CDON: variants seen among roughly 807,000 people sequenced by gnomAD.
The protein encoded by CDON is cell adhesion molecule-related/down-regulated by oncogenes.
In CDON, 73 loss-of-function variants were observed where a neutral mutation model predicts 120.9. The ratio of observed to expected loss-of-function variants is 0.60; its 90% CI spans 0.50 to 0.73. The LOEUF is 0.73. CDON is among the 30% of genes least tolerant of loss of function. CDON has a pLI of 0.00. For synonymous variants in CDON, 566 were observed against 573.5 expected (o/e 0.99, Z 0.19); for missense variants, 1,470 against 1,587.3 (o/e 0.93, Z 1.26).
rs774168550 is a variant in CDON, at chr11:126,015,239, A to G, written c.1198+2T>C. The G allele has an allele frequency of 1.2e-6, 2 of 1,613,682 alleles. No homozygotes were observed. The highest frequency in any genetic ancestry group is 2.2e-5 in the East Asian group (1 of 44,868). ...TATGACTGGCACGACCTAAAAGCCT[A>G]CCATTTTCAATTTCAAGTCTTCCAG... On this transcript the variant is annotated splice_donor_variant, in intron 7 of 19. Transcript: ENST00000531738. LOFTEE classifies it high-confidence loss of function.
intron 15 of CDON, among the ~76,000 whole-genome samples, chr11:125,987,411 C>T (rs539180369): frequency 2.0e-5 from 3 of 152,236 alleles, no homozygotes; most frequent in East Asian, 3.9e-4. Context: ...AAGATAAAAC[C>T]GTCATTGTTC....
intron 16 of CDON, among the ~76,000 whole-genome samples, chr11:125,982,201 C>T (rs938022950): frequency 1.3e-5 from 2 of 151,842 alleles, no homozygotes; most frequent in African/African-American, 4.8e-5. Context: ...GTTTCGATCT[C>T]CTGACCTCGT....
At chr11:126,030,224 G>A (rs1034334591) in intron 1 of CDON, among the ~76,000 whole-genome samples, 2 of 152,150 alleles carry the variant, frequency 1.3e-5, no homozygotes, top group South Asian at 4.1e-4. Context: ...CTTTCCTAAC[G>A]TTTACTTAAC....
chr11:126,040,554 G>A (rs1044920178), intron 1 of CDON, among the ~76,000 whole-genome samples: 1 of 152,120 alleles, frequency 6.6e-6, no homozygotes, highest in Non-Finnish European at 1.5e-5. Context: ...GGTGGCTCAC[G>A]CCTATAATCC....
intron 1 of CDON, among the ~76,000 whole-genome samples, chr11:126,040,693 T>C (rs373088305): frequency 6.6e-6 from 1 of 151,058 alleles, no homozygotes; most frequent in Non-Finnish European, 1.5e-5. Context: ...CCGGCGCCTG[T>C]AGTCCCAGCT....
At chr11:125,980,721 C>T (rs2134440308) in intron 17 of CDON, among the ~76,000 whole-genome samples, 1 of 152,308 alleles carries the variant, frequency 6.6e-6, no homozygotes, top group South Asian at 2.1e-4. Flanking sequence ...ATTTTCAAGA[C>T]CCTGCTCTCG....
intron 15 of CDON, among the ~76,000 whole-genome samples, chr11:125,988,418 C>T (rs1946528664): frequency 6.6e-6 from 1 of 152,128 alleles, no homozygotes; most frequent in Admixed American, 6.6e-5. Context: ...CTCTCTCGCC[C>T]AGACTGGAGT....
chr11:125,974,323 G>C (rs1259140104), intron 18 of CDON, among the ~76,000 whole-genome samples: 1 of 142,296 alleles, frequency 7.0e-6, no homozygotes, highest in Non-Finnish European at 1.5e-5. Context: ...GCTCACTAGA[G>C]ACCTGCAGCA....
At position 126,018,356 on chromosome 11, in the gene CDON, G is replaced by A. The variant is rs1291462586; in HGVS notation, c.614C>T (p.Pro205Leu). ...NPVTHQLKVE[P>L]IGRKLLVSRP... ...ACTCACAAGGAGCTTTCGGCCAATAGGTTCAACTTTTAATTGATGTGTGAC... is the reference window on the plus strand; with the variant it reads ...ACTCACAAGGAGCTTTCGGCCAATAAGTTCAACTTTTAATTGATGTGTGAC... The change falls in exon 5 of 20, where the codon CCT (proline) becomes CTT (leucine). Residue 205 changes from proline (P) to leucine (L), a missense_variant. Physicochemically the swap from Pro to Leu is moderately conservative, Grantham distance 98. Transcript: ENST00000531738. 1 of 1,613,986 alleles carries A rather than the reference G, an allele frequency of 6.2e-7. No homozygotes were observed. Among genetic ancestry groups the A allele is most frequent in the Non-Finnish European group, 8.5e-7 (1 of 1,179,940 alleles).
intron 10 of CDON, among the ~76,000 whole-genome samples, chr11:126,003,273 T>C (rs1947009077): frequency 6.6e-6 from 1 of 152,216 alleles, no homozygotes; most frequent in Non-Finnish European, 1.5e-5. Context: ...TACTGTCTTG[T>C]AGTTGGTATT....
rs1947581032 is a variant in CDON, at chr11:126,019,784, CAG to C, written c.350-21_350-20del. The C allele has an allele frequency of 1.9e-6, 3 of 1,597,520 alleles. No individual in the cohort carries two copies. The highest frequency in any genetic ancestry group is 1.7e-5 in the Admixed American group (1 of 59,932). The stretch of plus-strand genomic sequence containing the variant: ...CCAAGAACTGAAATATATAAGGAAA[CAG>C]ATAAATAAATACATGCAAATTTGAA... On this transcript the variant is annotated intron_variant, in intron 3 of 19. Coordinates refer to ENST00000531738, the MANE Select transcript of CDON (RefSeq NM_001378964.1).
At chr11:125,989,478 G>A (rs568199280) in intron 15 of CDON, among the ~76,000 whole-genome samples, 159 bp downstream of exon 15, 4 of 152,324 alleles carry the variant, frequency 2.6e-5, no homozygotes, top group African/African-American at 9.6e-5. Flanking sequence ...GGAGGTTGCA[G>A]CGAGTTGAGA....
rs1945586984 is a variant in CDON, at chr11:125,959,710, G to C, written c.*1232C>G. 6.6e-6 allele frequency: 1 copy of C among 152,094 alleles called. No homozygotes were observed. The highest frequency in any genetic ancestry group is 6.5e-5 in the Admixed American group (1 of 15,278). The allele number at this position is 152,094 out of a possible 1,614,324, so 9.4% of individuals were successfully genotyped here. On this transcript the variant is annotated 3_prime_UTR_variant, in exon 20 of 20. Coordinates refer to ENST00000531738, the MANE Select transcript of CDON (RefSeq NM_001378964.1). ...GGCCGTTGCCTATGCTGGAGATGGG[G>C]GATGACTAGTTTCGGCGTCATGGCA...
At chr11:125,973,823 C>T (rs1946071221) in intron 18 of CDON, among the ~76,000 whole-genome samples, 1 of 152,158 alleles carries the variant, frequency 6.6e-6, no homozygotes, top group African/African-American at 2.4e-5. Flanking sequence ...GAGGGCTTTC[C>T]TCTCTCCCAC....
chr11:126,038,891 C>G (rs752059079), intron 1 of CDON, among the ~76,000 whole-genome samples: 4 of 152,162 alleles, frequency 2.6e-5, no homozygotes, highest in Non-Finnish European at 4.4e-5. Flanking sequence ...ATTTAAATTA[C>G]CTTCTTTGCT....
chr11:126,033,289 G>C (rs1048167888), intron 1 of CDON, among the ~76,000 whole-genome samples: 1 of 152,088 alleles, frequency 6.6e-6, no homozygotes, highest in Non-Finnish European at 1.5e-5. Context: ...GAGATAACAA[G>C]AGGAGCTGGA....
Position 125,961,023 on chromosome 11 carries a change from A to G in CDON, c.3714T>C (p.Cys1238=). ...GTGGAGACCACATTGTCTTCTCAGC[A>G]CAGCCCTCGGGGACAGGTGGCAAAA... ...ALILPPVPEG[C]AEKTMWSPPG... Residue 1238 remains cysteine, a synonymous_variant, in exon 20 of 20, where the codon TGT becomes TGC. Coordinates refer to ENST00000531738, the MANE Select transcript of CDON (RefSeq NM_001378964.1). 2 of 1,614,082 alleles carry G rather than the reference A, an allele frequency of 1.2e-6. No individual in the cohort carries two copies. The highest frequency in any genetic ancestry group is 1.1e-5 in the South Asian group (1 of 91,080).
chr11:126,012,558 T>C (rs1211348904), intron 7 of CDON, among the ~76,000 whole-genome samples: 1 of 150,652 alleles, frequency 6.6e-6, no homozygotes, highest in African/African-American at 2.4e-5. Context: ...CACGCTGCCA[T>C]GCCTGGCTTT....
chr11:126,047,612 C>G (rs913497821), intron 1 of CDON, among the ~76,000 whole-genome samples: 1 of 152,190 alleles, frequency 6.6e-6, no homozygotes, highest in Non-Finnish European at 1.5e-5. Context: ...ATCACTAGCC[C>G]AAGCTATTGT....
Sources: allele counts gnomAD v4.1 joint callset (sites outside exome capture counted in the v4.1 genomes callset), GRCh38; gene constraint gnomAD v4.1.1; transcripts MANE v1.5; gene names NCBI Gene and HGNC (gene_info 2026-07-23, HGNC 2026-07-21).